The following INPP4B variants were observed in gnomAD, a reference collection of about 807,000 sequenced individuals.
INPP4B encodes the protein inositol polyphosphate 4-phosphatase type II.
INPP4B carries 55 observed loss-of-function variants against 122.5 expected under a neutral mutation model. The observed-to-expected ratio is 0.45, with a 90% confidence interval of 0.36 to 0.56. The LOEUF (loss-of-function observed/expected upper bound fraction) is 0.56, where lower values mean the gene tolerates loss of function less well. Among genes scored for constraint, INPP4B ranks in the 20% least tolerant of loss-of-function variants. The pLI is 0.00. For synonymous variants in INPP4B, 403 were observed against 388.7 expected, an observed-to-expected ratio of 1.04 and a Z score of -0.43; for missense variants, 1,000 against 1,097.7, an observed-to-expected ratio of 0.91 and a Z score of 1.26.
intron 9 of INPP4B, among the ~76,000 whole-genome samples, chr4:142,288,885 T>G (rs957901232): frequency 1.3e-5 from 2 of 152,188 alleles, no homozygotes; most frequent in Non-Finnish European, 2.9e-5. Context: ...ATTATTACAT[T>G]CTTGGTATTC....
intron 9 of INPP4B, among the ~76,000 whole-genome samples, chr4:142,288,791 A>G (rs1324726015): frequency 6.6e-6 from 1 of 152,170 alleles, no homozygotes; most frequent in African/African-American, 2.4e-5. Context: ...TCTCATCTGT[A>G]TAATGGGGAT....
intron 18 of INPP4B, among the ~76,000 whole-genome samples, chr4:142,134,799 A>G (rs1463103452): frequency 2.1e-5 from 2 of 94,594 alleles, no homozygotes; most frequent in East Asian, 5.3e-4. Context: ...CTCTGTCTCA[A>G]AAAAAAAAAA....
intron 3 of INPP4B, among the ~76,000 whole-genome samples, chr4:142,455,238 C>T (rs1815135893): frequency 6.6e-6 from 1 of 151,926 alleles, no homozygotes; most frequent in African/African-American, 2.4e-5. Context: ...CTCTATTATG[C>T]TATCAAATAT....
At chr4:142,371,879 CA>C (rs879842820) in intron 7 of INPP4B, among the ~76,000 whole-genome samples, 131 of 129,584 alleles carry the variant, frequency 1.0e-3, no homozygotes, top group African/African-American at 1.5e-3. Flanking sequence ...GGAAGTCTCT[CA>C]AAAAAAAAAA....
At chr4:142,369,342 G>A (rs1788832916) in intron 7 of INPP4B, among the ~76,000 whole-genome samples, 1 of 151,968 alleles carries the variant, frequency 6.6e-6, no homozygotes, top group East Asian at 1.9e-4. Flanking sequence ...CCAGCACTTT[G>A]GAATGTTGAG....
chr4:142,110,363 G>A (rs1789402769), intron 22 of INPP4B, among the ~76,000 whole-genome samples: 1 of 152,080 alleles, frequency 6.6e-6, no homozygotes, highest in Non-Finnish European at 1.5e-5. Flanking sequence ...AATTTCTGTT[G>A]TTTAAGCCAC....
At chr4:142,324,666 G>T (rs1477781298) in intron 7 of INPP4B, among the ~76,000 whole-genome samples, 1 of 152,034 alleles carries the variant, frequency 6.6e-6, no homozygotes, top group African/African-American at 2.4e-5. Context: ...GGTGAAAAAC[G>T]GCTTTTTAGT....
chr4:142,604,847 T>C (rs769950423), intron 2 of INPP4B, among the ~76,000 whole-genome samples: 10 of 152,148 alleles, frequency 6.6e-5, no homozygotes, highest in Non-Finnish European at 1.2e-4. Context: ...ATGTCATTTT[T>C]CACAGAATTA....
At chr4:142,778,324 C>A (rs1774251675) in intron 1 of INPP4B, among the ~76,000 whole-genome samples, 1 of 152,070 alleles carries the variant, frequency 6.6e-6, no homozygotes, top group Admixed American at 6.6e-5. Flanking sequence ...TCTCCAAGCA[C>A]AACTAATATA....
intron 2 of INPP4B, among the ~76,000 whole-genome samples, chr4:142,659,333 G>C (rs925198428): frequency 6.6e-6 from 1 of 151,870 alleles, no homozygotes; most frequent in East Asian, 1.9e-4. Flanking sequence ...GTGAACCCGG[G>C]AGGTGGAGCT....
At chr4:142,252,392 G>A (rs1456487304) in intron 11 of INPP4B, among the ~76,000 whole-genome samples, 1 of 151,844 alleles carries the variant, frequency 6.6e-6, no homozygotes, top group East Asian at 1.9e-4. Flanking sequence ...GTTTCGCCGT[G>A]TTAGCCAGGA....
Position 142,492,647 on chromosome 4 carries a change from T to C in INPP4B, c.-190-29921A>G, listed in dbSNP as rs182202538. On this transcript the variant is annotated intron_variant, in intron 2 of 25. Transcript: ENST00000262992. ...GCATTTTGCCCCTGCCCTAGAGATC[T>C]GTGGAACTTTGAACTTGAGAGAGAT... 3.8e-3 allele frequency among the ~76,000 whole-genome samples: 580 copies of C among 152,258 alleles called. 3 individuals are homozygous for C. Among genetic ancestry groups the C allele is most frequent in the African/African-American group, 0.013 (539 of 41,554 alleles).
At chr4:142,325,787 A>G (rs1401995750) in intron 7 of INPP4B, among the ~76,000 whole-genome samples, 2 of 152,198 alleles carry the variant, frequency 1.3e-5, no homozygotes, top group African/African-American at 4.8e-5. Context: ...AAATTCTACC[A>G]GTCATACAGG....
intron 25 of INPP4B, among the ~76,000 whole-genome samples, chr4:142,047,328 T>C (rs1225357904): frequency 6.6e-6 from 1 of 152,102 alleles, no homozygotes; most frequent in African/African-American, 2.4e-5. Flanking sequence ...CAGTCAGAAA[T>C]GACATTTTAT....
intron 12 of INPP4B, among the ~76,000 whole-genome samples, chr4:142,215,030 T>A (rs967135952): frequency 1.3e-5 from 2 of 152,224 alleles, no homozygotes; most frequent in Non-Finnish European, 2.9e-5. Flanking sequence ...TAATACCTAC[T>A]TTTATTCTCA....
In INPP4B at chr4:142,028,707, A is replaced by C; in HGVS notation, c.*75T>G. 1.3e-6 allele frequency: 2 copies of C among 1,485,850 alleles called. No homozygotes were observed. Among genetic ancestry groups the C allele is most frequent in the East Asian group, 4.6e-5 (2 of 43,562 alleles). The allele number at this position is 1,485,850 out of a possible 1,614,324, so 92.0% of individuals were successfully genotyped here. ...ACCACAAATTCATGACAATAAAAAC[A>C]AACAAAAAAGACCAAGGTGAAGATT... On this transcript the variant is annotated 3_prime_UTR_variant, in exon 26 of 26. Transcript: ENST00000262992.
At chr4:142,770,172 G>A (rs922722498) in intron 1 of INPP4B, among the ~76,000 whole-genome samples, 1 of 152,104 alleles carries the variant, frequency 6.6e-6, no homozygotes, top group African/African-American at 2.4e-5. Flanking sequence ...TGTTTGCCTA[G>A]TTGGTTGGTT....
chr4:142,112,330 T>A (rs1234257663), intron 22 of INPP4B, among the ~76,000 whole-genome samples: 4 of 152,214 alleles, frequency 2.6e-5, no homozygotes, highest in Non-Finnish European at 5.9e-5. Context: ...AAGATTTTCC[T>A]CAATATTTTT....
At chr4:142,650,720 G>T (rs1752763036) in intron 2 of INPP4B, among the ~76,000 whole-genome samples, 1 of 151,906 alleles carries the variant, frequency 6.6e-6, no homozygotes, top group Admixed American at 6.6e-5. Context: ...GATTCATAAA[G>T]CAAGTCCTTA....
Sources: allele counts gnomAD v4.1 joint callset (sites outside exome capture counted in the v4.1 genomes callset), GRCh38; gene constraint gnomAD v4.1.1; transcripts MANE v1.5; gene names NCBI Gene and HGNC (gene_info 2026-07-23, HGNC 2026-07-21).